Variants in BRF1 observed in about 807,000 individuals in gnomAD.
BRF1 encodes the protein BRF1 general transcription factor IIIB subunit, also known as transcription factor IIIB 90 kDa subunit.
In BRF1, 59 loss-of-function variants were observed where a neutral mutation model predicts 81.7. The observed-to-expected ratio is 0.72, with a 90% CI of 0.59 to 0.90. The LOEUF (loss-of-function observed/expected upper bound fraction) is 0.90. Among genes scored for constraint, BRF1 ranks in the 40% least tolerant of loss-of-function variants. The probability of loss-of-function intolerance (pLI) is 0.00; values close to 1 mark genes in which losing one functional copy is unlikely to be tolerated. For synonymous variants in BRF1, 491 were observed against 395.6 expected, an observed-to-expected ratio of 1.24 and a Z score of -2.86; for missense variants, 1,050 against 936.3, an observed-to-expected ratio of 1.12 and a Z score of -1.58.
intron 1 of BRF1, among the ~76,000 whole-genome samples, chr14:105,292,543 G>GACACC (rs2057559153): frequency 2.6e-5 from 4 of 152,320 alleles, no homozygotes; most frequent in East Asian, 3.9e-4. Context: ...GACACCTGTA[G>GACACC]GAGGCCTGGC....
chr14:105,257,090 CGA>C (rs1566842479), intron 3 of BRF1, among the ~76,000 whole-genome samples: 1 of 152,066 alleles, frequency 6.6e-6, no homozygotes, highest in African/African-American at 2.4e-5. Flanking sequence ...GGGCTGCGCT[CGA>C]GAGACAGGTG....
chr14:105,225,482 A>G (rs1200788537), intron 10 of BRF1, among the ~76,000 whole-genome samples: 1 of 152,188 alleles, frequency 6.6e-6, no homozygotes, highest in South Asian at 2.1e-4. Context: ...AGATCTGATG[A>G]TTGACCAGAC....
At chr14:105,258,122 G>A (rs1372688938) in intron 3 of BRF1, among the ~76,000 whole-genome samples, 1 of 152,194 alleles carries the variant, frequency 6.6e-6, no homozygotes, top group Non-Finnish European at 1.5e-5. Context: ...GGGAAATTGG[G>A]GATTGAAGGG....
intron 5 of BRF1, chr14:105,248,815 C>G (rs904449101): frequency 4.1e-6 from 4 of 985,630 alleles, no homozygotes; most frequent in African/African-American, 3.5e-5. Context: ...GGCGCGAGGG[C>G]GCGGGGCGCG....
In BRF1 at chr14:105,211,261, A is replaced by G. The variant is rs779208604; in HGVS notation, c.1857T>C (p.Ala619=). The change falls in exon 17 of 18, where the codon GCT becomes GCC. Residue 619 remains alanine (A), a synonymous_variant. Coordinates refer to ENST00000547530, the MANE Select transcript of BRF1 (RefSeq NM_001519.4). ...ALLPSSPTLG[A]EPARPQAVLV... Reference sequence around the variant, plus strand: ...GCACCGCCTGGGGCCTGGCAGGCTCAGCTCCGAGGGTGGGAGAGCTTGGGA... The same window carrying G: ...GCACCGCCTGGGGCCTGGCAGGCTCGGCTCCGAGGGTGGGAGAGCTTGGGA... 2 of 1,606,724 alleles carry G rather than the reference A, an allele frequency of 1.2e-6. No homozygotes were observed. The highest frequency in any genetic ancestry group is 1.7e-5 in the Admixed American group (1 of 59,738).
chr14:105,252,656 CTCTTGTGCAG>C (rs1488794939), intron 4 of BRF1, 77 bp from the exon 5 acceptor site: 1 of 1,477,960 alleles, frequency 6.8e-7, no homozygotes, highest in Non-Finnish European at 9.2e-7. Flanking sequence ...TAAAATGCAT[CTCTTGTGCAG>C]TCTTTAAAGA....
At position 105,211,261 on chromosome 14, in the gene BRF1, A is replaced by C. The variant is rs779208604; in HGVS notation, c.1857T>G (p.Ala619=). 1.2e-6 allele frequency: 2 copies of C among 1,606,842 alleles called. No homozygotes were observed. The highest frequency in any genetic ancestry group is 1.7e-6 in the Non-Finnish European group (2 of 1,176,822). The change falls in exon 17 of 18, where the codon GCT becomes GCG. Residue 619 remains alanine (A), a synonymous_variant. Transcript: ENST00000547530. ...GCACCGCCTGGGGCCTGGCAGGCTCAGCTCCGAGGGTGGGAGAGCTTGGGA... is the reference window on the plus strand; with the variant it reads ...GCACCGCCTGGGGCCTGGCAGGCTCCGCTCCGAGGGTGGGAGAGCTTGGGA... ...ALLPSSPTLG[A]EPARPQAVLV...
rs370270828 is a variant in BRF1 at position 105,241,292 on chromosome 14, G to A, written c.667C>T (p.Arg223Trp). Residue 223 changes from arginine to tryptophan, a missense_variant, in exon 6 of 18, where the codon CGG becomes TGG. Physicochemically the swap from Arg to Trp is moderately radical, Grantham distance 101 (BLOSUM62 -3). Coordinates refer to ENST00000547530, the MANE Select transcript of BRF1 (RefSeq NM_001519.4). ...GCTCCGCAGAGGCCCGAGGGGCGCCGGCCTGTGTGCATCCAGTCCCGCTTC... is the reference window on the plus strand; with the variant it reads ...GCTCCGCAGAGGCCCGAGGGGCGCCAGCCTGTGTGCATCCAGTCCCGCTTC... The part of the protein sequence containing the change: ...RMKRDWMHTG[R>W]RPSGLCGAAL... The A allele has an allele frequency of 1.1e-5, 17 of 1,612,242 alleles. No homozygotes were observed. The highest frequency in any genetic ancestry group is 1.4e-5 in the Non-Finnish European group (16 of 1,179,896).
intron 11 of BRF1, 54 bp from the exon 12 acceptor site, chr14:105,220,184 C>G: frequency 1.2e-6 from 2 of 1,605,636 alleles, no homozygotes; most frequent in South Asian, 1.1e-5. Flanking sequence ...ATTATAGGAG[C>G]GTGGCCACCA....
Position 105,223,643 on chromosome 14 carries a change from A to G in BRF1, c.1049-1729T>C, listed in dbSNP as rs587601728. On this transcript the variant is annotated intron_variant, in intron 10 of 17. Transcript: ENST00000547530. Reference sequence around the variant, plus strand: ...TAGCTCACTGGTGGCCTGGGGCAGGAGGGGGGGTGGTGACCAAGGGCCTGT... The same window carrying G: ...TAGCTCACTGGTGGCCTGGGGCAGGGGGGGGGGTGGTGACCAAGGGCCTGT... Among the ~76,000 whole-genome samples, 11 of 152,230 alleles carry G rather than the reference A, an allele frequency of 7.2e-5. No individual in the cohort carries two copies. The South Asian group carries it at 2.1e-3, about 29-fold the overall frequency.
chr14:105,274,523 G>C (rs1330805135), intron 2 of BRF1, among the ~76,000 whole-genome samples: 1 of 152,176 alleles, frequency 6.6e-6, no homozygotes, highest in African/African-American at 2.4e-5. Context: ...CGCCCTCCTA[G>C]GGGCTGCGAG....
intron 17 of BRF1, 63 bp downstream of exon 17, chr14:105,211,059 G>A (rs587698259): frequency 1.1e-5 from 17 of 1,584,634 alleles, no homozygotes; most frequent in Admixed American, 1.8e-5. Context: ...CAGGGATCAT[G>A]AGGGGCAGTA....
chr14:105,248,119 C>A (rs1029367655), intron 5 of BRF1: 5 of 985,384 alleles, frequency 5.1e-6, no homozygotes, highest in Non-Finnish European at 4.8e-6. Flanking sequence ...GAAATAGCAG[C>A]GCCTGCCCCT....
At chr14:105,261,471 G>A (rs1291551777) in intron 3 of BRF1, among the ~76,000 whole-genome samples, 5 of 152,248 alleles carry the variant, frequency 3.3e-5, no homozygotes, top group African/African-American at 1.2e-4. Flanking sequence ...CTGTGAAGAG[G>A]ATGGGGAAAC....
At chr14:105,240,947 C>G (rs1450838137) in intron 6 of BRF1, among the ~76,000 whole-genome samples, 2 of 152,198 alleles carry the variant, frequency 1.3e-5, no homozygotes, top group Admixed American at 6.5e-5. Flanking sequence ...CTGTCCGCGT[C>G]AGAAGCCGGG....
intron 3 of BRF1, among the ~76,000 whole-genome samples, chr14:105,259,757 A>T (rs587657803): frequency 6.6e-6 from 1 of 152,268 alleles, no homozygotes; most frequent in East Asian, 1.9e-4. Context: ...AAAAATACAA[A>T]AGATGAGCTG....
Position 105,226,147 on chromosome 14 carries a change from A to T in BRF1, c.970T>A (p.Tyr324Asn). 6.2e-7 allele frequency: 1 copy of T among 1,613,970 alleles called. No homozygotes were observed. The highest frequency in any genetic ancestry group is 8.5e-7 in the Non-Finnish European group (1 of 1,180,022). The change falls in exon 10 of 18, where the codon TAC becomes AAC. Residue 324 changes from tyrosine to asparagine, a missense_variant. By Grantham distance (143) the Tyr-to-Asn change is moderately radical (BLOSUM62 -2). Around this residue, in one of 2 missense-constraint regions of BRF1, gnomAD observed 1,043 missense variants for 915.4 expected, o/e 1.14. Coordinates refer to ENST00000547530, the MANE Select transcript of BRF1 (RefSeq NM_001519.4). The stretch of plus-strand genomic sequence containing the variant: ...AGTTCAATCTCAATTGCATCCTGGT[A>T]ACTGGATATTTCACCTGAAGTCATA... ...LEEVEGEISS[Y>N]QDAIEIELEN...
chr14:105,265,603 T>C (rs2056375263), intron 3 of BRF1, among the ~76,000 whole-genome samples: 1 of 151,716 alleles, frequency 6.6e-6, no homozygotes, highest in Non-Finnish European at 1.5e-5. Context: ...ATACAAAAAT[T>C]AGCTGGGCAT....
At chr14:105,287,667 G>A (rs1380726961) in intron 1 of BRF1, among the ~76,000 whole-genome samples, 1 of 152,174 alleles carries the variant, frequency 6.6e-6, no homozygotes, top group Non-Finnish European at 1.5e-5. Flanking sequence ...CGTCATCCAG[G>A]GGCAGCCACC....
Sources: allele counts gnomAD v4.1 joint callset (sites outside exome capture counted in the v4.1 genomes callset), GRCh38; gene constraint gnomAD v4.1.1; regional missense constraint gnomAD v4.1.1; transcripts MANE v1.5; gene names NCBI Gene and HGNC (gene_info 2026-07-23, HGNC 2026-07-21).